NR3C1: variants seen among roughly 807,000 people sequenced by gnomAD.
NR3C1 encodes the protein glucocorticoid receptor.
In NR3C1, 14 loss-of-function variants were observed where a neutral mutation model predicts 74.0. The ratio of observed to expected loss-of-function variants is 0.19; its 90% CI spans 0.12 to 0.30. The LOEUF is 0.30. NR3C1 is among the 10% of genes least tolerant of loss of function. The pLI is 1.00. For synonymous variants in NR3C1, 308 were observed against 332.5 expected (o/e 0.93, Z 0.80); for missense variants, 695 against 909.8 (o/e 0.76, Z 3.04).
At chr5:143,420,036 C>G (rs896769386) in intron 1 of NR3C1, among the ~76,000 whole-genome samples, 1 of 152,176 alleles carries the variant, frequency 6.6e-6, no homozygotes, top group African/African-American at 2.4e-5. Flanking sequence ...CTCCCATTTG[C>G]TTTTGAAAGA....
At chr5:143,332,719 T>G in intron 2 of NR3C1, 1 of 1,583,880 alleles carries the variant, frequency 6.3e-7, no homozygotes, top group South Asian at 1.1e-5. Context: ...CGACTAGAAG[T>G]GAAACCTCAT....
At chr5:143,408,536 T>C (rs1841191738), upstream of NR3C1, among the ~76,000 whole-genome samples, 1 of 152,198 alleles carries the variant, frequency 6.6e-6, no homozygotes, top group South Asian at 2.1e-4. Flanking sequence ...TTTTGGATTT[T>C]TTTTTTTCTG....
Position 143,300,449 on chromosome 5 carries a change from G to C in NR3C1, c.1747+36C>G. The C allele has an allele frequency of 6.2e-7, 1 of 1,613,678 alleles. No individual in the cohort carries two copies. The highest frequency in any genetic ancestry group is 8.5e-7 in the Non-Finnish European group (1 of 1,179,678). On this transcript the variant is annotated intron_variant, in intron 5 of 8. Coordinates refer to ENST00000394464, the MANE Select transcript of NR3C1 (RefSeq NM_000176.3). The surrounding 1 kb of genome is among the most constrained non-coding windows in gnomAD (Gnocchi z 5.2). Reference sequence around the variant, plus strand: ...TGTTTTTGCTGAAGAAAACACAAAGGTTTATATAGTTGCTCTTTTATGTTT... The same window carrying C: ...TGTTTTTGCTGAAGAAAACACAAAGCTTTATATAGTTGCTCTTTTATGTTT...
At chr5:143,423,582 C>T (rs183067948) in intron 1 of NR3C1, among the ~76,000 whole-genome samples, 49 of 152,160 alleles carry the variant, frequency 3.2e-4, no homozygotes, top group African/African-American at 1.0e-3. Flanking sequence ...ATAGAGCTAC[C>T]ATATTACCCA....
intron 7 of NR3C1, among the ~76,000 whole-genome samples, chr5:143,290,016 T>A (rs1468683736): frequency 6.6e-6 from 1 of 152,220 alleles, no homozygotes; most frequent in African/African-American, 2.4e-5. Flanking sequence ...CTGCTTAATT[T>A]GTAAGAAAGG....
intron 7 of NR3C1, chr5:143,293,950 G>C (rs1275415027): frequency 1.0e-6 from 1 of 983,730 alleles, no homozygotes; most frequent in Non-Finnish European, 1.2e-6. Flanking sequence ...GCTATGATCA[G>C]AATTTTATGT....
At chr5:143,320,236 A>G (rs1372663368) in intron 2 of NR3C1, among the ~76,000 whole-genome samples, 9 of 152,346 alleles carry the variant, frequency 5.9e-5, no homozygotes, top group African/African-American at 2.2e-4. Context: ...CTTTCACAAT[A>G]TTTCTGTTAA....
At chr5:143,336,611 T>C (rs1020665351) in intron 2 of NR3C1, among the ~76,000 whole-genome samples, 1 of 152,160 alleles carries the variant, frequency 6.6e-6, no homozygotes, top group Non-Finnish European at 1.5e-5. Context: ...TTTATAGAAA[T>C]GGTAGGTCAG....
At chr5:143,337,046 T>C (rs879616837) in intron 2 of NR3C1, among the ~76,000 whole-genome samples, 2 of 152,094 alleles carry the variant, frequency 1.3e-5, no homozygotes, top group African/African-American at 2.4e-5. Context: ...CACACACATA[T>C]ATATCTCCTT....
chr5:143,328,692 T>G (rs1825209483), intron 2 of NR3C1, among the ~76,000 whole-genome samples: 1 of 152,182 alleles, frequency 6.6e-6, no homozygotes, highest in Admixed American at 6.5e-5. Context: ...GCTTAGAAAT[T>G]TTCTTCTGCC....
At chr5:143,286,926 A>G (rs1043308733) in intron 7 of NR3C1, among the ~76,000 whole-genome samples, 3 of 152,070 alleles carry the variant, frequency 2.0e-5, no homozygotes, top group Admixed American at 6.6e-5. Flanking sequence ...CTCCTACCTC[A>G]GTGGAATTAA....
intron 1 of NR3C1, among the ~76,000 whole-genome samples, chr5:143,414,712 A>C (rs1561811243): frequency 6.6e-6 from 1 of 152,210 alleles, no homozygotes; most frequent in Non-Finnish European, 1.5e-5. Flanking sequence ...GTTATGACCC[A>C]GTTCAAGTTC....
Position 143,403,442 on chromosome 5 carries a change from G to C in NR3C1, c.-245C>G, listed in dbSNP as rs1205824421. ...CCCTCCGCCCCGCGCCGGGCTCCGC[G>C]GGTCGAGGTTCCGGGCGCGCGTGCC... On this transcript the variant is annotated 5_prime_UTR_variant, in exon 1 of 9. Transcript: ENST00000394464. 2.4e-6 allele frequency: 2 copies of C among 838,782 alleles called. No individual in the cohort carries two copies. The highest frequency in any genetic ancestry group is 6.1e-5 in the South Asian group (1 of 16,466). The allele number at this position is 838,782 out of a possible 1,614,324, so 52.0% of individuals were successfully genotyped here.
Position 143,322,504 on chromosome 5 carries a change from A to G in NR3C1, c.1185-8336T>C, listed in dbSNP as rs187968974. Among the ~76,000 whole-genome samples, 163 of 152,330 alleles carry G rather than the reference A, an allele frequency of 1.1e-3. 1 individual carries two copies. Among genetic ancestry groups the G allele is most frequent in the Middle Eastern group, 3.4e-3 (1 of 294 alleles). On this transcript the variant is annotated intron_variant, in intron 2 of 8. Coordinates refer to ENST00000394464, the MANE Select transcript of NR3C1 (RefSeq NM_000176.3). ...TGCAAATGAAGATTTTTGCCCAAAT[A>G]GGGATTGCCAGACTAGGTCAAATAG...
chr5:143,297,626 T>A (rs548183188), intron 6 of NR3C1, among the ~76,000 whole-genome samples: 3 of 152,234 alleles, frequency 2.0e-5, no homozygotes, highest in African/African-American at 7.2e-5. Flanking sequence ...CTGTTTTCTA[T>A]ACAAACAGAA....
rs1840042652 is a variant in NR3C1, at chr5:143,400,385, G to C, written c.455C>G (p.Thr152Arg). 1 of 1,614,196 alleles carries C rather than the reference G, an allele frequency of 6.2e-7. No homozygotes were observed. The highest frequency in any genetic ancestry group is 8.5e-7 in the Non-Finnish European group (1 of 1,180,024). Residue 152 changes from threonine (T) to arginine (R), a missense_variant, in exon 2 of 9, where the codon ACA (threonine) becomes AGA (arginine). By Grantham distance (71) the Thr-to-Arg change is moderately conservative (BLOSUM62 -1). Transcript: ENST00000394464. ...GTGAGTTTTTGGAAACTCCTTCTCT[G>C]TGGGGGCAGCAGACACAGCAGTGGA... ...SASTAVSAAP[T>R]EKEFPKTHSD...
At chr5:143,327,750 T>C (rs1434485512) in intron 2 of NR3C1, among the ~76,000 whole-genome samples, 1 of 152,260 alleles carries the variant, frequency 6.6e-6, no homozygotes, top group Non-Finnish European at 1.5e-5. Flanking sequence ...TTTGACTCCA[T>C]GTCTCACATT....
chr5:143,294,357 A>G (rs1382428065), intron 7 of NR3C1: 1 of 901,714 alleles, frequency 1.1e-6, no homozygotes, highest in African/African-American at 1.8e-5. Flanking sequence ...TTTACTTGAA[A>G]TGGCCTAAGG....
chr5:143,431,254 T>C (rs187073543), intron 1 of NR3C1, among the ~76,000 whole-genome samples: 9 of 152,270 alleles, frequency 5.9e-5, no homozygotes, highest in Admixed American at 1.3e-4. Context: ...TTAGGAACTT[T>C]CAGAGAAAGG....
Sources: gnomAD v4.1 joint callset for allele counts (sites outside exome capture counted in the v4.1 genomes callset) on GRCh38, gnomAD v4.1.1 for gene constraint, Gnocchi (gnomAD v3.1) non-coding constraint, MANE v1.5 for transcripts, NCBI Gene and HGNC (gene_info 2026-07-23, HGNC 2026-07-21) for gene names.